The following RAPGEF3 variants were observed in gnomAD, a reference collection of about 807,000 sequenced individuals.
RAPGEF3 encodes the protein Rap guanine nucleotide exchange factor 3, also known as 9330170P05Rik.
Under a neutral mutation model 129.8 loss-of-function variants are expected in RAPGEF3, and 103 were observed. The observed-to-expected ratio is 0.79, with a 90% CI of 0.68 to 0.93. RAPGEF3 has a LOEUF of 0.93. Ranked by LOEUF, RAPGEF3 falls within the 40% of genes least tolerant of loss-of-function variation. The pLI is 0.00. For missense variants in RAPGEF3, 1,117 were observed against 1,207.4 expected, an observed-to-expected ratio of 0.93 and a Z score of 1.11; for synonymous variants, 436 against 482.6, an observed-to-expected ratio of 0.90 and a Z score of 1.26.
chr12:47,740,561 C>G, intron 21 of RAPGEF3, 81 bp downstream of exon 21: 1 of 1,549,170 alleles, frequency 6.5e-7, no homozygotes, highest in Non-Finnish European at 8.8e-7. Flanking sequence ...GATTTGGCAA[C>G]ATACTAAGCA....
At position 47,749,261 on chromosome 12, in the gene RAPGEF3, AGC is replaced by A; in HGVS notation, c.1041+127_1041+128del. ...CACCCAGGGCTATGGTCCCACTGCC[AGC>A]TGTCATAGCCCAGCATCTCTTACCT... On this transcript the variant is annotated intron_variant, in intron 10 of 27. Transcript: ENST00000449771. This position sits in a 1 kb window ranked among gnomAD's most constrained non-coding sequence, Gnocchi z 4.5. 1 of 1,176,726 alleles carries A rather than the reference AGC, an allele frequency of 8.5e-7. No individual in the cohort carries two copies. The highest frequency in any genetic ancestry group is 1.2e-6 in the Non-Finnish European group (1 of 809,522). 72.9% of individuals were successfully genotyped at this position (1,176,726 alleles called of 1,614,324 possible).
chr12:47,742,077 G>A (rs1440983397), intron 18 of RAPGEF3: 1 of 154,564 alleles, frequency 6.5e-6, no homozygotes, highest in Non-Finnish European at 1.4e-5. Flanking sequence ...CTAGAGCAGT[G>A]GCCTCCAAAG....
At chr12:47,758,152 GGCAGAACTA>G (rs1942206542) in intron 1 of RAPGEF3, 74 bp from the exon 2 acceptor site, 2 of 1,504,120 alleles carry the variant, frequency 1.3e-6, no homozygotes, top group African/African-American at 2.8e-5. Context: ...AACTGCCCCA[GGCAGAACTA>G]CTTCCTTAGA....
At chr12:47,738,653 T>C (rs1456058072) in intron 25 of RAPGEF3, 37 bp downstream of exon 25, 1 of 1,531,690 alleles carries the variant, frequency 6.5e-7, no homozygotes. Flanking sequence ...TCCTCCAACC[T>C]ATGTTAGTAG....
Position 47,739,191 on chromosome 12 carries a change from C to T in RAPGEF3, c.2413G>A (p.Ala805Thr), listed in dbSNP as rs898811581. The T allele has an allele frequency of 9.3e-6, 15 of 1,610,610 alleles. No homozygotes were observed. Among genetic ancestry groups the T allele is most frequent in the South Asian group, 3.3e-5 (3 of 90,792 alleles). Residue 805 changes from alanine to threonine, a missense_variant, in exon 24 of 28, where the codon GCC (alanine) becomes ACC (threonine). Coordinates refer to ENST00000449771, the MANE Select transcript of RAPGEF3 (RefSeq NM_001098531.4). The part of the protein sequence containing the change: ...WNHRVYRLAL[A>T]KLSPPVIPFM... ...GGGATGACAGGAGGGGAGAGCTTGG[C>T]GAGGGCCAGTCGGTATACCCGGTGG...
At chr12:47,743,409 C>A (rs980055157) in intron 18 of RAPGEF3, 121 bp downstream of exon 18, 5 of 1,303,338 alleles carry the variant, frequency 3.8e-6, no homozygotes, top group Non-Finnish European at 5.3e-6. Flanking sequence ...TAATGCTAGC[C>A]ATCATTCACA....
In RAPGEF3 at chr12:47,747,673, C is replaced by T. The variant is rs116937941; in HGVS notation, c.1473+39G>A. On this transcript the variant is annotated intron_variant, in intron 14 of 27. Transcript: ENST00000449771. Reference sequence around the variant, plus strand: ...TGAGATGGCTGTAGCTGCATCCACCCCGGGCAGCCCAGCCCCGCTGTGCCT... The same window carrying T: ...TGAGATGGCTGTAGCTGCATCCACCTCGGGCAGCCCAGCCCCGCTGTGCCT... 1,229 of 1,612,390 alleles carry T rather than the reference C, an allele frequency of 7.6e-4. 11 individuals are homozygous for T. The East Asian group carries it at 0.021, about 27-fold the overall frequency.
At chr12:47,748,430 A>C (rs1289500392) in intron 12 of RAPGEF3, 24 bp downstream of exon 12, 5 of 1,597,594 alleles carry the variant, frequency 3.1e-6, no homozygotes, top group Non-Finnish European at 4.3e-6. Flanking sequence ...GTCAGAAAGC[A>C]GGCAGGGTGT....
In RAPGEF3 at chr12:47,738,005, C is replaced by A. The variant is rs1440959314; in HGVS notation, c.2653+17G>T. 1 of 1,610,236 alleles carries A rather than the reference C, an allele frequency of 6.2e-7. No individual in the cohort carries two copies. The highest frequency in any genetic ancestry group is 1.1e-5 in the South Asian group (1 of 90,938). ...AAGCACCCCCTCCCTGCCCACCCAC[C>A]ATCGCCCACCACTTACATGTGGAAA... On this transcript the variant is annotated intron_variant, in intron 27 of 27. Coordinates refer to ENST00000449771, the MANE Select transcript of RAPGEF3 (RefSeq NM_001098531.4).
In RAPGEF3 at chr12:47,748,084, G is replaced by C. The variant is rs1336945463; in HGVS notation, c.1312C>G (p.Leu438Val). 2.5e-6 allele frequency: 4 copies of C among 1,585,142 alleles called. No homozygotes were observed. The highest frequency in any genetic ancestry group is 3.4e-6 in the Non-Finnish European group (4 of 1,164,848). ...FMPSAQLCAA[L>V]LHHFHVEPAG... ...GAGCTGGAAGGATATTGGTGCAGAAGGGCAGCGCAGAGTTGGGCGCTGGGC... is the reference window on the plus strand; with the variant it reads ...GAGCTGGAAGGATATTGGTGCAGAACGGCAGCGCAGAGTTGGGCGCTGGGC... The change falls in exon 13 of 28, where the codon CTT becomes GTT. Residue 438 changes from leucine to valine, a missense_variant. Around this residue, in one of 3 missense-constraint regions of RAPGEF3, gnomAD observed 643 missense variants for 673.4 expected, o/e 0.95. Coordinates refer to ENST00000449771, the MANE Select transcript of RAPGEF3 (RefSeq NM_001098531.4).
intron 12 of RAPGEF3, 138 bp from the exon 13 acceptor site, chr12:47,748,290 T>C (rs1273343416): frequency 3.1e-6 from 3 of 952,750 alleles, no homozygotes; most frequent in Non-Finnish European, 4.8e-6. Flanking sequence ...CCTGTGATAG[T>C]GCTCCCCACT....
intron 18 of RAPGEF3, among the ~76,000 whole-genome samples, chr12:47,743,102 A>G (rs1427502040): frequency 6.6e-6 from 1 of 152,274 alleles, no homozygotes; most frequent in Non-Finnish European, 1.5e-5. Flanking sequence ...ATGACTAAAC[A>G]CAAATGATGA....
intron 1 of RAPGEF3, 109 bp from the exon 2 acceptor site, chr12:47,758,187 C>T: frequency 6.9e-7 from 1 of 1,454,052 alleles, no homozygotes; most frequent in Non-Finnish European, 9.1e-7. Context: ...CTGGACTGGT[C>T]AGGCGGAGGT....
Position 47,751,167 on chromosome 12 carries a change from G to C in RAPGEF3, c.552C>G (p.Phe184Leu). Residue 184 changes from phenylalanine (F) to leucine (L), a missense_variant, in exon 6 of 28, where the codon TTC becomes TTG. Physicochemically the swap from Phe to Leu is conservative, Grantham distance 22. Transcript: ENST00000449771. ...FQDRDAQFYR[F>L]PGPEPEPVRT... Reference sequence around the variant, plus strand: ...TCACGGGCTCGGGCTCGGGCCCGGGGAACCGGTAGAATTGGGCATCTCGGT... The same window carrying C: ...TCACGGGCTCGGGCTCGGGCCCGGGCAACCGGTAGAATTGGGCATCTCGGT... The C allele has an allele frequency of 1.9e-6, 3 of 1,554,704 alleles. No homozygotes were observed. The highest frequency in any genetic ancestry group is 2.6e-6 in the Non-Finnish European group (3 of 1,149,120).
At position 47,748,825 on chromosome 12, in the gene RAPGEF3, C is replaced by T; in HGVS notation, c.1148G>A (p.Arg383Lys). The part of the protein sequence containing the change: ...AGPSRPPTPG[R>K]NRYTVMSGTP... ...AGCATGGCAGGTGTATTACCGGTTCCTGCCTGGGGTTGGGGGTCGGGAAGG... is the reference window on the plus strand; with the variant it reads ...AGCATGGCAGGTGTATTACCGGTTCTTGCCTGGGGTTGGGGGTCGGGAAGG... The change falls in exon 11 of 28, where the codon AGG (arginine) becomes AAG (lysine). Residue 383 changes from arginine to lysine, a missense_variant. Arg to Lys is a conservative substitution (Grantham distance 26). This residue lies in a region of RAPGEF3 where 107 missense variants were observed against 160.7 expected (regional missense o/e 0.67). Transcript: ENST00000449771. 1 of 1,608,764 alleles carries T rather than the reference C, an allele frequency of 6.2e-7. No homozygotes were observed. The highest frequency in any genetic ancestry group is 8.5e-7 in the Non-Finnish European group (1 of 1,175,110).
At chr12:47,758,122 G>T in intron 1 of RAPGEF3, 44 bp from the exon 2 acceptor site, 1 of 1,531,696 alleles carries the variant, frequency 6.5e-7, no homozygotes. Flanking sequence ...GACACGACTG[G>T]GGCGGCTGGG....
Position 47,758,098 on chromosome 12 carries a change from G to A in RAPGEF3, c.7-20C>T. The stretch of plus-strand genomic sequence containing the variant: ...GCCCACCTGTGACACGGGGAGGAAA[G>A]TGGACAGCCATGGGACACGACTGGG... On this transcript the variant is annotated intron_variant, in intron 1 of 27. Coordinates refer to ENST00000449771, the MANE Select transcript of RAPGEF3 (RefSeq NM_001098531.4). The A allele has an allele frequency of 1.9e-6, 3 of 1,551,974 alleles. No homozygotes were observed. Among genetic ancestry groups the A allele is most frequent in the South Asian group, 1.2e-5 (1 of 84,328 alleles).
chr12:47,753,040 C>A (rs1341335211), intron 2 of RAPGEF3, among the ~76,000 whole-genome samples: 1 of 152,194 alleles, frequency 6.6e-6, no homozygotes, highest in East Asian at 1.9e-4. Context: ...GATGCTCTAC[C>A]ATCTACGAGC....
At chr12:47,752,779 GTCTT>G (rs777137646) in intron 2 of RAPGEF3, 15 of 152,416 alleles carry the variant, frequency 9.8e-5, no homozygotes, top group African/African-American at 1.4e-4. Context: ...GCTGGAAAGC[GTCTT>G]TCTTCTCTGA....
Sources: allele counts gnomAD v4.1 joint callset (sites outside exome capture counted in the v4.1 genomes callset), GRCh38; gene constraint gnomAD v4.1.1; regional missense constraint gnomAD v4.1.1; non-coding constraint Gnocchi (gnomAD v3.1); transcripts MANE v1.5; gene names NCBI Gene and HGNC (gene_info 2026-07-23, HGNC 2026-07-21).